ALK: variants seen among roughly 807,000 people sequenced by gnomAD.
The protein encoded by ALK is ALK tyrosine kinase receptor.
ALK carries 74 observed loss-of-function variants against 163.1 expected under a neutral mutation model. The ratio of observed to expected loss-of-function variants is 0.45; its 90% CI spans 0.38 to 0.55. The LOEUF (loss-of-function observed/expected upper bound fraction) is 0.55. ALK is among the 20% of genes least tolerant of loss of function. The probability of loss-of-function intolerance (pLI) is 0.00; values close to 1 mark genes in which losing one functional copy is unlikely to be tolerated. For missense variants in ALK, 2,063 were observed against 2,105.3 expected, an observed-to-expected ratio of 0.98 and a Z score of 0.39; for synonymous variants, 960 against 843.2, an observed-to-expected ratio of 1.14 and a Z score of -2.40.
At chr2:29,914,806 C>T (rs1407195531) in intron 1 of ALK, among the ~76,000 whole-genome samples, 2 of 152,130 alleles carry the variant, frequency 1.3e-5, no homozygotes, top group Non-Finnish European at 2.9e-5. Context: ...TTGTAATCTG[C>T]ACTTGGAGAT....
chr2:29,917,737 T>C (rs764172376), intron 1 of ALK, among the ~76,000 whole-genome samples: 9 of 152,234 alleles, frequency 5.9e-5, no homozygotes, highest in Non-Finnish European at 1.2e-4. Context: ...TGCTTTTCAA[T>C]AGGCTGGCTG....
intron 8 of ALK, among the ~76,000 whole-genome samples, chr2:29,315,493 T>A (rs1666807692): frequency 6.6e-6 from 1 of 152,068 alleles, no homozygotes; most frequent in Admixed American, 6.5e-5. Flanking sequence ...GGAGGAAAAC[T>A]CTCTGCATGG....
intron 3 of ALK, among the ~76,000 whole-genome samples, chr2:29,599,638 T>C (rs1336606017): frequency 6.6e-6 from 1 of 152,218 alleles, no homozygotes. Flanking sequence ...GAGTTTCTTC[T>C]TGAAGATAGA....
At position 29,209,890 on chromosome 2, in the gene ALK, G is replaced by A. The variant is rs2148155430; in HGVS notation, c.3744-12C>T. 2 of 1,610,862 alleles carry A rather than the reference G, an allele frequency of 1.2e-6. No individual in the cohort carries two copies. Among genetic ancestry groups the A allele is most frequent in the Non-Finnish European group, 1.7e-6 (2 of 1,177,068 alleles). On this transcript the variant is annotated splice_polypyrimidine_tract_variant and intron_variant, in intron 24 of 28. Transcript: ENST00000389048. ...TGGCAGCAATGTCTCTGGGAAGAAA[G>A]GAAATGCATTTCCTAATTTTATCCC...
At chr2:29,828,325 A>T (rs866287440) in intron 1 of ALK, among the ~76,000 whole-genome samples, 1 of 152,234 alleles carries the variant, frequency 6.6e-6, no homozygotes, top group African/African-American at 2.4e-5. Flanking sequence ...ATGGGATCGA[A>T]TTAAACTAAA....
rs564673577 is a variant in ALK, at chr2:29,410,279, T to G, written c.1155-26420A>C. On this transcript the variant is annotated intron_variant, in intron 4 of 28. Transcript: ENST00000389048. Reference sequence around the variant, plus strand: ...TCACTGAGATAGATGCATATGTGATTTGCCTCCTTTGGAAAGGCTAATCAG... The same window carrying G: ...TCACTGAGATAGATGCATATGTGATGTGCCTCCTTTGGAAAGGCTAATCAG... 3.9e-5 allele frequency among the ~76,000 whole-genome samples: 6 copies of G among 152,328 alleles called. No homozygotes were observed. The East Asian group carries it at 1.2e-3, about 29-fold the overall frequency.
chr2:29,226,407 A>C, intron 18 of ALK, among the ~76,000 whole-genome samples: 1 of 146,196 alleles, frequency 6.8e-6, no homozygotes, highest in Non-Finnish European at 1.5e-5. Flanking sequence ...GAACCTGGGA[A>C]GCGGAGGTTG....
intron 1 of ALK, among the ~76,000 whole-genome samples, chr2:29,764,681 C>T (rs1395672141): frequency 6.6e-6 from 1 of 152,116 alleles, no homozygotes; most frequent in African/African-American, 2.4e-5. Context: ...ACATTCAAGT[C>T]CAGTCATTTT....
At chr2:29,279,473 G>A (rs994605482) in intron 9 of ALK, among the ~76,000 whole-genome samples, 3 of 152,152 alleles carry the variant, frequency 2.0e-5, no homozygotes, top group Non-Finnish European at 4.4e-5. Flanking sequence ...TGGGTGGAGG[G>A]TGGGGCAGGA....
intron 4 of ALK, among the ~76,000 whole-genome samples, chr2:29,465,705 AAAAC>A: frequency 6.6e-6 from 1 of 152,326 alleles, no homozygotes; most frequent in Admixed American, 6.5e-5. Context: ...AAAAAAAACA[AAAAC>A]AAAAAAAGTT....
At chr2:29,461,787 T>G (rs1398423857) in intron 4 of ALK, among the ~76,000 whole-genome samples, 1 of 152,154 alleles carries the variant, frequency 6.6e-6, no homozygotes, top group Non-Finnish European at 1.5e-5. Flanking sequence ...AATTTCAACT[T>G]TCAGTCTTAT....
At chr2:29,516,411 G>A (rs1428734776) in intron 4 of ALK, among the ~76,000 whole-genome samples, 1 of 152,210 alleles carries the variant, frequency 6.6e-6, no homozygotes, top group Admixed American at 6.5e-5. Flanking sequence ...CCAGGTCCTA[G>A]TGGTAGCTGA....
intron 13 of ALK, among the ~76,000 whole-genome samples, chr2:29,237,962 T>A (rs1442786060): frequency 6.6e-6 from 1 of 152,160 alleles, no homozygotes; most frequent in African/African-American, 2.4e-5. Context: ...AAAGCCTGAT[T>A]TAGACTCATG....
intron 7 of ALK, 122 bp downstream of exon 7, chr2:29,320,629 C>T: frequency 1.4e-6 from 2 of 1,401,942 alleles, no homozygotes; most frequent in Non-Finnish European, 2.0e-6. Context: ...ACGCTCTAGG[C>T]AAGCTTTGGT....
At chr2:29,314,933 G>A (rs1303621556) in intron 8 of ALK, among the ~76,000 whole-genome samples, 1 of 152,102 alleles carries the variant, frequency 6.6e-6, no homozygotes, top group Non-Finnish European at 1.5e-5. Context: ...AAGCCGAGGC[G>A]GATTCGAGCA....
rs78781570 is a variant in ALK, at chr2:29,310,959, C to T, written c.1647+7345G>A. ...GGAAGTGGGGCCCAAATCTCTTACT[C>T]ATGTAGAGAGCCTTTGGAAAAAGCC... On this transcript the variant is annotated intron_variant, in intron 8 of 28. Transcript: ENST00000389048. Among the ~76,000 whole-genome samples the T allele has an allele frequency of 2.5e-4, 38 of 152,348 alleles. 1 individual carries two copies. In the East Asian group the frequency reaches 7.3e-3, roughly 29 times the overall value.
intron 4 of ALK, among the ~76,000 whole-genome samples, chr2:29,524,173 C>A (rs1012628630): frequency 1.3e-5 from 2 of 152,168 alleles, no homozygotes; most frequent in Admixed American, 1.3e-4. Context: ...GAACTAGCTT[C>A]AATTGATATG....
chr2:29,472,169 G>T (rs1300054819), intron 4 of ALK, among the ~76,000 whole-genome samples: 1 of 152,194 alleles, frequency 6.6e-6, no homozygotes. Flanking sequence ...GACTATATGA[G>T]AGGCCCAAGT....
intron 1 of ALK, among the ~76,000 whole-genome samples, chr2:29,790,003 C>G (rs947177101): frequency 5.9e-5 from 9 of 152,170 alleles, no homozygotes; most frequent in Non-Finnish European, 1.0e-4. Flanking sequence ...TGGCAGGCAG[C>G]TCTGAAGACA....
Sources: allele counts gnomAD v4.1 joint callset (sites outside exome capture counted in the v4.1 genomes callset), GRCh38; gene constraint gnomAD v4.1.1; transcripts MANE v1.5; gene names NCBI Gene and HGNC (gene_info 2026-07-23, HGNC 2026-07-21).